The following TSHR variants were observed in gnomAD, a reference collection of about 807,000 sequenced individuals.
The protein encoded by TSHR is thyroid stimulating hormone receptor.
A neutral mutation model predicts 64.1 loss-of-function variants in TSHR; 51 were observed. The observed-to-expected ratio is 0.80, with a 90% CI of 0.64 to 1.01. The LOEUF (loss-of-function observed/expected upper bound fraction) is 1.01. TSHR is among the 50% of genes least tolerant of loss of function. The pLI is 0.00. For missense variants in TSHR, 877 were observed against 942.8 expected, an observed-to-expected ratio of 0.93 and a Z score of 0.91; for synonymous variants, 361 against 361.9, an observed-to-expected ratio of 1.00 and a Z score of 0.03.
At chr14:81,101,334 G>A (rs17111481) in intron 7 of TSHR, among the ~76,000 whole-genome samples, 17,211 of 151,950 alleles carry the variant, frequency 0.11, 2,695 homozygotes, top group African/African-American at 0.35. Flanking sequence ...GAAAAAGTAC[G>A]CAAAGTCCTC....
intron 1 of TSHR, chr14:80,992,406 AAAAAAAAAAAAT>A (rs1435426852): frequency 6.6e-6 from 1 of 151,616 alleles, no homozygotes. Context: ...TCAAAAAAAA[AAAAAAAAAAAAT>A]AAGCTAGTGA....
intron 1 of TSHR, among the ~76,000 whole-genome samples, chr14:80,987,414 C>T (rs771446665): frequency 3.9e-5 from 6 of 152,284 alleles, no homozygotes; most frequent in Middle Eastern, 3.4e-3. Context: ...TATACTTCAA[C>T]GCTAGTTCAA....
chr14:81,044,199 C>A (rs927798093), intron 1 of TSHR, among the ~76,000 whole-genome samples: 5 of 152,078 alleles, frequency 3.3e-5, no homozygotes, highest in East Asian at 3.9e-4. Flanking sequence ...TGACAAAGGT[C>A]TAATATCCAG....
At chr14:81,091,360 T>G (rs1177902303) in intron 5 of TSHR, among the ~76,000 whole-genome samples, 5 of 152,210 alleles carry the variant, frequency 3.3e-5, no homozygotes, top group Non-Finnish European at 7.3e-5. Flanking sequence ...CAAGAACAGT[T>G]CCAGTGGAGT....
chr14:81,124,474 T>C (rs1487929690), intron 8 of TSHR, among the ~76,000 whole-genome samples: 2 of 152,194 alleles, frequency 1.3e-5, no homozygotes, highest in African/African-American at 4.8e-5. Flanking sequence ...ACATTTTCAT[T>C]ATCCAGAAAG....
chr14:81,014,096 TAGTCCAAA>T (rs1182505978), intron 1 of TSHR: 1 of 152,234 alleles, frequency 6.6e-6, no homozygotes. Context: ...TCAGTTATTT[TAGTCCAAA>T]AGCCAGTTGG....
At chr14:81,079,072 T>C (rs987688381) in intron 3 of TSHR, 2 of 152,152 alleles carry the variant, frequency 1.3e-5, no homozygotes, top group Admixed American at 6.5e-5. Flanking sequence ...AAGAAAAAAA[T>C]ACAAGAATGG....
intron 5 of TSHR, among the ~76,000 whole-genome samples, chr14:81,091,631 T>A (rs1400971126): frequency 1.3e-5 from 2 of 152,120 alleles, no homozygotes; most frequent in Non-Finnish European, 2.9e-5. Flanking sequence ...TTTCATAGAG[T>A]TTTAATAGTT....
chr14:81,081,192 G>C lies in TSHR; in HGVS notation c.318-6762G>C, dbSNP rs373831604. ...GCATAGCATGACCCTGACTTATAAA[G>C]AGAAAATCTGTTGCTATAGACAATT... On this transcript the variant is annotated intron_variant, in intron 3 of 9. Coordinates refer to ENST00000298171, the MANE Select transcript of TSHR (RefSeq NM_000369.5). 4.6e-5 allele frequency among the ~76,000 whole-genome samples: 7 copies of C among 152,108 alleles called. No homozygotes were observed. The East Asian group carries it at 1.3e-3, about 29-fold the overall frequency.
intron 1 of TSHR, among the ~76,000 whole-genome samples, chr14:80,984,951 A>T (rs1249018000): frequency 2.0e-5 from 3 of 152,120 alleles, no homozygotes; most frequent in Non-Finnish European, 2.9e-5. Flanking sequence ...ATCCTGAATT[A>T]AAAAGGTAAT....
rs761988208 is a variant in TSHR at position 81,145,227 on chromosome 14, G to A, written c.*874G>A. The A allele has an allele frequency of 5.2e-5, 12 of 232,962 alleles. No homozygotes were observed. Among genetic ancestry groups the A allele is most frequent in the Non-Finnish European group, 4.2e-5 (5 of 117,972 alleles). The allele number at this position is 232,962 out of a possible 1,614,324, so 14.4% of individuals were successfully genotyped here. On this transcript the variant is annotated 3_prime_UTR_variant, in exon 10 of 10. Coordinates refer to ENST00000298171, the MANE Select transcript of TSHR (RefSeq NM_000369.5). The stretch of plus-strand genomic sequence containing the variant: ...GACTTAAATCTGTAGAAATGAAGGA[G>A]TCCAATAGCTTCTTCCAATTTTAAA...
intron 1 of TSHR, among the ~76,000 whole-genome samples, chr14:81,028,431 T>C (rs1298362434): frequency 2.0e-5 from 3 of 151,878 alleles, no homozygotes; most frequent in Admixed American, 6.6e-5. Flanking sequence ...GGCAGCACTA[T>C]AGGGCTAGAC....
chr14:81,046,595 T>C lies in TSHR; in HGVS notation c.171-15553T>C, dbSNP rs182501479. On this transcript the variant is annotated intron_variant, in intron 1 of 9. Coordinates refer to ENST00000298171, the MANE Select transcript of TSHR (RefSeq NM_000369.5). The stretch of plus-strand genomic sequence containing the variant: ...ATCTTGTGATCTATCTTATACGTAA[T>C]TGGAGTTCCAGAAGGAAATGAGAGA... 2.6e-5 allele frequency among the ~76,000 whole-genome samples: 4 copies of C among 151,672 alleles called. No homozygotes were observed. The East Asian group carries it at 7.7e-4, about 29-fold the overall frequency.
At chr14:81,012,503 G>A (rs1323042570) in intron 1 of TSHR, 2 of 149,476 alleles carry the variant, frequency 1.3e-5, no homozygotes, top group African/African-American at 2.4e-5. Flanking sequence ...CTAGATCCCT[G>A]AGGAATCGCC....
intron 1 of TSHR, chr14:81,033,320 C>A: frequency 2.7e-6 from 1 of 368,348 alleles, no homozygotes; most frequent in East Asian, 8.3e-5. Flanking sequence ...GAAGACACTC[C>A]GAGAGTGAAG....
At chr14:81,084,843 G>A (rs112364833) in intron 3 of TSHR, among the ~76,000 whole-genome samples, 5,009 of 152,246 alleles carry the variant, frequency 0.033, 242 homozygotes, top group African/African-American at 0.1. Context: ...AAATTTGAAC[G>A]CCTCTTTCAC....
At chr14:80,970,248 C>T (rs566240164) in intron 1 of TSHR, among the ~76,000 whole-genome samples, 2 of 152,324 alleles carry the variant, frequency 1.3e-5, no homozygotes, top group African/African-American at 4.8e-5. Flanking sequence ...CATGAATTTA[C>T]CTTCCCTTTC....
chr14:80,996,212 T>C (rs12184983), intron 1 of TSHR, among the ~76,000 whole-genome samples: 15,815 of 152,124 alleles, frequency 0.1, 1,023 homozygotes, highest in South Asian at 0.22. Context: ...ACCGGATCAA[T>C]CATTCTTACT....
At chr14:81,114,608 C>T (rs1422198752) in intron 8 of TSHR, among the ~76,000 whole-genome samples, 9 of 152,146 alleles carry the variant, frequency 5.9e-5, no homozygotes, top group African/African-American at 2.2e-4. Flanking sequence ...GGGGGAGGGG[C>T]GCCCACCATT....
Sources: gnomAD v4.1 joint callset for allele counts (sites outside exome capture counted in the v4.1 genomes callset) on GRCh38, gnomAD v4.1.1 for gene constraint, MANE v1.5 for transcripts, NCBI Gene and HGNC (gene_info 2026-07-23, HGNC 2026-07-21) for gene names.